CEP112: variants seen among roughly 807,000 people sequenced by gnomAD.
CEP112 encodes centrosomal protein of 112 kDa.
Under a neutral mutation model 153.0 loss-of-function variants are expected in CEP112, and 127 were observed. The observed-to-expected ratio is 0.83, with a 90% CI of 0.72 to 0.96. CEP112 has a LOEUF of 0.96. Among genes scored for constraint, CEP112 ranks in the 40% least tolerant of loss-of-function variants. The probability of loss-of-function intolerance (pLI) is 0.00; values close to 1 mark genes in which losing one functional copy is unlikely to be tolerated. For missense variants in CEP112, 1,089 were observed against 1,101.2 expected, an observed-to-expected ratio of 0.99 and a Z score of 0.16; for synonymous variants, 358 against 374.4, an observed-to-expected ratio of 0.96 and a Z score of 0.51.
chr17:66,040,324 T>C (rs1287457215), intron 12 of CEP112, among the ~76,000 whole-genome samples: 1 of 152,146 alleles, frequency 6.6e-6, no homozygotes, highest in East Asian at 1.9e-4. Flanking sequence ...TAAGTGTTTA[T>C]TAATCATCTG....
Position 66,132,695 on chromosome 17 carries a change from CCAT to C in CEP112, c.536_538del (p.Asp179del). 1 of 1,613,542 alleles carries C rather than the reference CCAT, an allele frequency of 6.2e-7. No individual in the cohort carries two copies. Among genetic ancestry groups the C allele is most frequent in the South Asian group, 1.1e-5 (1 of 91,062 alleles). ...ACAAATCTTTGGGGTAATATTTTGT[CCAT>C]CTTCTCTGTGAGTTGGACTCAAGGA... On this transcript the variant is annotated inframe_deletion, in exon 5 of 27. Coordinates refer to ENST00000535342, the MANE Select transcript of CEP112 (RefSeq NM_001199165.4).
chr17:65,786,393 G>A (rs1432653473), intron 21 of CEP112, among the ~76,000 whole-genome samples: 2 of 151,378 alleles, frequency 1.3e-5, no homozygotes, highest in African/African-American at 4.9e-5. Context: ...CTTTCCGATC[G>A]GGATGACTTT....
intron 6 of CEP112, among the ~76,000 whole-genome samples, chr17:66,097,542 G>GATTCCACCTTCTTATCAGCTCCTA (rs1165498565): frequency 6.6e-6 from 1 of 152,138 alleles, no homozygotes; most frequent in Non-Finnish European, 1.5e-5. Flanking sequence ...ACCTGTACCT[G>GATTCCACCTTCTTATCAGCTCCTA]ATTCCACCTT....
chr17:65,812,308 A>G (rs1341924856), intron 21 of CEP112, among the ~76,000 whole-genome samples: 3 of 152,136 alleles, frequency 2.0e-5, no homozygotes, highest in Non-Finnish European at 4.4e-5. Context: ...CGGCCTAAAG[A>G]ATTTTTTATT....
At chr17:65,969,531 T>C (rs140425792) in intron 17 of CEP112, among the ~76,000 whole-genome samples, 161 of 152,258 alleles carry the variant, frequency 1.1e-3, no homozygotes, top group African/African-American at 3.8e-3. Context: ...GTATATTGCA[T>C]GTATGTTACT....
intron 6 of CEP112, among the ~76,000 whole-genome samples, chr17:66,122,733 C>T (rs2069658679): frequency 6.6e-6 from 1 of 152,170 alleles, no homozygotes; most frequent in African/African-American, 2.4e-5. Flanking sequence ...TCATAAATTG[C>T]TCCATAGGCT....
chr17:65,678,611 C>T (rs982113700), intron 24 of CEP112, among the ~76,000 whole-genome samples: 2 of 152,148 alleles, frequency 1.3e-5, no homozygotes, highest in Non-Finnish European at 2.9e-5. Context: ...GGCTTTGAAC[C>T]CTCCAGTCCC....
chr17:65,658,622 C>T (rs527772205), intron 24 of CEP112, among the ~76,000 whole-genome samples: 27 of 152,010 alleles, frequency 1.8e-4, no homozygotes, highest in Non-Finnish European at 3.2e-4. Flanking sequence ...AGGAAATATG[C>T]GAGTAGAGCT....
rs539180022 is a variant in CEP112, at chr17:66,107,084, A to C, written c.643-10452T>G. Among the ~76,000 whole-genome samples the C allele has an allele frequency of 4.6e-5, 7 of 152,302 alleles. No homozygotes were observed. The East Asian group carries it at 1.4e-3, about 29-fold the overall frequency. ...ATTGATGCTGAAAAAGCATTTAATA[A>C]AATTCAGCGTCCCTTCATGATAAAA... On this transcript the variant is annotated intron_variant, in intron 6 of 26. Transcript: ENST00000535342.
At chr17:66,076,952 T>A (rs952468499) in intron 8 of CEP112, among the ~76,000 whole-genome samples, 3 of 152,066 alleles carry the variant, frequency 2.0e-5, no homozygotes, top group Non-Finnish European at 4.4e-5. Flanking sequence ...AGAAGAGAGA[T>A]AACCATCACT....
At position 66,140,937 on chromosome 17, in the gene CEP112, G is replaced by A. The variant is rs551274280; in HGVS notation, c.471-8174C>T. 1.7e-4 allele frequency among the ~76,000 whole-genome samples: 26 copies of A among 152,052 alleles called. 1 individual carries two copies. In the South Asian group the frequency reaches 5.4e-3, roughly 32 times the overall value. ...GCTGGGATTACAGGTGTGAGCCACC[G>A]TGCCCAGCCTTAAGTTCATTCTTTC... On this transcript the variant is annotated intron_variant, in intron 4 of 26. Coordinates refer to ENST00000535342, the MANE Select transcript of CEP112 (RefSeq NM_001199165.4).
intron 21 of CEP112, among the ~76,000 whole-genome samples, chr17:65,780,543 A>T (rs1002316539): frequency 1.6e-4 from 24 of 152,216 alleles, no homozygotes; most frequent in African/African-American, 4.3e-4. Context: ...AATTTTTTTT[A>T]AAATCTCTAC....
At chr17:65,849,164 A>G (rs1415292722) in intron 21 of CEP112, among the ~76,000 whole-genome samples, 1 of 152,164 alleles carries the variant, frequency 6.6e-6, no homozygotes, top group Non-Finnish European at 1.5e-5. Flanking sequence ...TGTCATGGAA[A>G]CGGTTTTGTT....
intron 17 of CEP112, among the ~76,000 whole-genome samples, chr17:65,999,563 A>AT (rs11399557): frequency 0.52 from 76,189 of 147,536 alleles, 20,180 homozygotes; most frequent in African/African-American, 0.59. Context: ...TCCTGAAAGC[A>AT]TTTTTTTTTT....
At chr17:66,130,192 G>C (rs2070071717) in intron 5 of CEP112, among the ~76,000 whole-genome samples, 1 of 151,514 alleles carries the variant, frequency 6.6e-6, no homozygotes, top group South Asian at 2.1e-4. Flanking sequence ...GCTATGAGCT[G>C]CCTTAACAAT....
At chr17:66,115,101 A>C (rs1240502574) in intron 6 of CEP112, among the ~76,000 whole-genome samples, 1 of 152,104 alleles carries the variant, frequency 6.6e-6, no homozygotes, top group Non-Finnish European at 1.5e-5. Context: ...GCTACTCAGG[A>C]GGCTGAAGCA....
chr17:65,758,511 T>C (rs2052418150), intron 21 of CEP112, among the ~76,000 whole-genome samples: 1 of 152,164 alleles, frequency 6.6e-6, no homozygotes, highest in African/African-American at 2.4e-5. Context: ...AAGTCCTTCA[T>C]TCCTTCATTT....
At chr17:65,926,886 C>T (rs1250562159) in intron 19 of CEP112, among the ~76,000 whole-genome samples, 3 of 152,148 alleles carry the variant, frequency 2.0e-5, no homozygotes, top group Admixed American at 1.3e-4. Flanking sequence ...GTACTCAACC[C>T]TATTTCTCAA....
chr17:65,922,374 A>G (rs762582685), intron 19 of CEP112, among the ~76,000 whole-genome samples: 15 of 152,112 alleles, frequency 9.9e-5, no homozygotes, highest in Non-Finnish European at 1.2e-4. Context: ...TTTGCCTAAG[A>G]TATCTGCTTC....
Sources: allele counts gnomAD v4.1 joint callset (sites outside exome capture counted in the v4.1 genomes callset), GRCh38; gene constraint gnomAD v4.1.1; transcripts MANE v1.5; gene names NCBI Gene and HGNC (gene_info 2026-07-23, HGNC 2026-07-21).